The following PLCB1 variants were observed in gnomAD, a reference collection of about 807,000 sequenced individuals.
PLCB1 encodes 1-phosphatidylinositol 4,5-bisphosphate phosphodiesterase beta-1.
A neutral mutation model predicts 161.8 loss-of-function variants in PLCB1; 46 were observed. The ratio of observed to expected loss-of-function variants is 0.28; its 90% CI spans 0.22 to 0.36. The LOEUF is 0.36. Ranked by LOEUF, PLCB1 falls within the 10% of genes least tolerant of loss-of-function variation. The pLI is 1.00. For missense variants in PLCB1, 1,016 were observed against 1,472.5 expected (o/e 0.69, Z 5.07); for synonymous variants, 517 against 503.7 (o/e 1.03, Z -0.35).
chr20:8,856,613 T>A lies in PLCB1; in HGVS notation c.3424-25009T>A, dbSNP rs909783973. Among the ~76,000 whole-genome samples the A allele has an allele frequency of 4.6e-5, 7 of 152,142 alleles. No homozygotes were observed. In the East Asian group the frequency reaches 1.2e-3, roughly 25 times the overall value. ...GCCTGGGCAACAGAGCAAGACTGTG[T>A]CTCAAAAAAATAAATAAATAAAAAG... On this transcript the variant is annotated intron_variant, in intron 31 of 31. Coordinates refer to ENST00000338037, the MANE Select transcript of PLCB1 (RefSeq NM_015192.4).
intron 31 of PLCB1, among the ~76,000 whole-genome samples, chr20:8,869,684 A>C (rs1987547640): frequency 6.6e-6 from 1 of 152,244 alleles, no homozygotes; most frequent in Admixed American, 6.5e-5. Flanking sequence ...TTACAATAAT[A>C]AACATTTATT....
chr20:8,405,216 G>C (rs56161826), intron 3 of PLCB1, among the ~76,000 whole-genome samples: 2,600 of 152,216 alleles, frequency 0.017, 84 homozygotes, highest in African/African-American at 0.06. Flanking sequence ...TGCTGATTTG[G>C]GCTGGGGTCT....
At position 8,630,259 on chromosome 20, in the gene PLCB1, G is replaced by C. The variant is rs147679756; in HGVS notation, c.384+1828G>C. ...ATGCCACCATGCCCAGCTAATTTTTGTGTTTTTAGTAGAGACGGGGTTTCA... is the reference window on the plus strand; with the variant it reads ...ATGCCACCATGCCCAGCTAATTTTTCTGTTTTTAGTAGAGACGGGGTTTCA... On this transcript the variant is annotated intron_variant, in intron 4 of 31. Coordinates refer to ENST00000338037, the MANE Select transcript of PLCB1 (RefSeq NM_015192.4). Among the ~76,000 whole-genome samples, 998 of 151,888 alleles carry C rather than the reference G, an allele frequency of 6.6e-3. 9 individuals carry two copies. Among genetic ancestry groups the C allele is most frequent in the African/African-American group, 0.023 (953 of 41,418 alleles).
chr20:8,339,937 G>A (rs1568637976), intron 2 of PLCB1, among the ~76,000 whole-genome samples: 1 of 152,048 alleles, frequency 6.6e-6, no homozygotes, highest in South Asian at 2.1e-4. Flanking sequence ...ACTTCAGCCT[G>A]GGCAACAAAG....
intron 3 of PLCB1, among the ~76,000 whole-genome samples, chr20:8,393,561 C>T (rs1053569108): frequency 1.6e-4 from 25 of 152,078 alleles, no homozygotes; most frequent in African/African-American, 5.3e-4. Context: ...TAGGCTGAGG[C>T]GGGAGGATTT....
chr20:8,836,426 C>T (rs1358337587), intron 31 of PLCB1, among the ~76,000 whole-genome samples: 1 of 87,800 alleles, frequency 1.1e-5, no homozygotes, highest in Non-Finnish European at 2.8e-5. Flanking sequence ...CACACACACA[C>T]ATACACTATT....
At chr20:8,585,572 A>G (rs1986964916) in intron 3 of PLCB1, among the ~76,000 whole-genome samples, 2 of 152,202 alleles carry the variant, frequency 1.3e-5, no homozygotes, top group African/African-American at 4.8e-5. Context: ...GTCTTTGATC[A>G]CGTTATTAAC....
intron 2 of PLCB1, among the ~76,000 whole-genome samples, chr20:8,307,426 A>T (rs1024511636): frequency 3.3e-5 from 5 of 152,244 alleles, no homozygotes; most frequent in African/African-American, 1.2e-4. Flanking sequence ...CAGATTGTCA[A>T]TTGGAATAAT....
At chr20:8,266,291 A>AT (rs1211613647) in intron 2 of PLCB1, among the ~76,000 whole-genome samples, 1 of 152,106 alleles carries the variant, frequency 6.6e-6, no homozygotes, top group Admixed American at 6.5e-5. Context: ...TGTTGGTTTC[A>AT]TTTGACTTGG....
At chr20:8,381,928 AG>A (rs1199660524) in intron 3 of PLCB1, among the ~76,000 whole-genome samples, 1 of 151,758 alleles carries the variant, frequency 6.6e-6, no homozygotes, top group Non-Finnish European at 1.5e-5. Context: ...TTTTTTTTGG[AG>A]GGTTTTTCAT....
At chr20:8,873,393 T>G (rs1273977686) in intron 31 of PLCB1, among the ~76,000 whole-genome samples, 1 of 152,164 alleles carries the variant, frequency 6.6e-6, no homozygotes, top group Non-Finnish European at 1.5e-5. Flanking sequence ...ATGTTGAGGT[T>G]AAAATACTAT....
At chr20:8,801,154 G>A (rs750126479) in intron 31 of PLCB1, among the ~76,000 whole-genome samples, 1 of 151,894 alleles carries the variant, frequency 6.6e-6, no homozygotes, top group Non-Finnish European at 1.5e-5. Context: ...CTCTGCTCAG[G>A]CCACACTGGG....
intron 2 of PLCB1, among the ~76,000 whole-genome samples, chr20:8,262,651 C>A (rs1981762252): frequency 2.0e-5 from 3 of 152,166 alleles, no homozygotes. Context: ...AATTTGAGCT[C>A]TCTTTTCGTA....
At chr20:8,171,221 A>G (rs2123069054) in intron 2 of PLCB1, among the ~76,000 whole-genome samples, 1 of 152,330 alleles carries the variant, frequency 6.6e-6, no homozygotes, top group African/African-American at 2.4e-5. Flanking sequence ...TAATATACAT[A>G]AAATATATAA....
intron 3 of PLCB1, among the ~76,000 whole-genome samples, chr20:8,558,451 A>G (rs1368183772): frequency 6.6e-6 from 1 of 151,946 alleles, no homozygotes; most frequent in Admixed American, 6.6e-5. Context: ...CCTGTGAGAC[A>G]CCATCAAGCA....
At chr20:8,579,752 A>G (rs1986776349) in intron 3 of PLCB1, among the ~76,000 whole-genome samples, 1 of 152,128 alleles carries the variant, frequency 6.6e-6, no homozygotes, top group South Asian at 2.1e-4. Context: ...AGGTGACTAT[A>G]GAAGAGTCTA....
intron 9 of PLCB1, among the ~76,000 whole-genome samples, chr20:8,684,496 C>T (rs1434486080): frequency 6.7e-6 from 1 of 149,830 alleles, no homozygotes; most frequent in African/African-American, 2.5e-5. Context: ...TCAAGTGATC[C>T]ACACGCCTCA....
intron 3 of PLCB1, among the ~76,000 whole-genome samples, chr20:8,514,520 A>G (rs1984031799): frequency 8.0e-6 from 1 of 125,738 alleles, no homozygotes; most frequent in African/African-American, 2.8e-5. Flanking sequence ...AGAAAAATAC[A>G]AAAAAAAATT....
chr20:8,853,198 TATAA>T (rs1369421322), intron 31 of PLCB1, among the ~76,000 whole-genome samples: 10 of 152,226 alleles, frequency 6.6e-5, no homozygotes, highest in Admixed American at 1.3e-4. Context: ...CAATTAGTTA[TATAA>T]ATAAAATAAA....
Sources: allele counts gnomAD v4.1 joint callset (sites outside exome capture counted in the v4.1 genomes callset), GRCh38; gene constraint gnomAD v4.1.1; transcripts MANE v1.5; gene names NCBI Gene and HGNC (gene_info 2026-07-23, HGNC 2026-07-21).